Variants in PARD3 observed in about 807,000 individuals in gnomAD.
The protein encoded by PARD3 is par-3 family cell polarity regulator, also known as partitioning defective 3 homolog.
PARD3 carries 75 observed loss-of-function variants against 155.4 expected under a neutral mutation model. The observed-to-expected ratio is 0.48, with a 90% CI of 0.40 to 0.58. The LOEUF is 0.58. Ranked by LOEUF, PARD3 falls within the 20% of genes least tolerant of loss-of-function variation. PARD3 has a pLI of 0.00. For synonymous variants in PARD3, 576 were observed against 610.5 expected, an observed-to-expected ratio of 0.94 and a Z score of 0.83; for missense variants, 1,642 against 1,721.7, an observed-to-expected ratio of 0.95 and a Z score of 0.82.
At chr10:34,392,565 G>C (rs140967150) in intron 7 of PARD3, among the ~76,000 whole-genome samples, 1 of 152,088 alleles carries the variant, frequency 6.6e-6, no homozygotes, top group Non-Finnish European at 1.5e-5. Context: ...TCTTCACAGG[G>C]CCTGATTTTC....
chr10:34,516,393 C>T (rs1360129193), intron 3 of PARD3, among the ~76,000 whole-genome samples: 3 of 152,148 alleles, frequency 2.0e-5, no homozygotes, highest in African/African-American at 7.2e-5. Flanking sequence ...GAGTACCTTC[C>T]AAGAATGGCT....
At chr10:34,120,634 C>A (rs1440668806) in intron 23 of PARD3, among the ~76,000 whole-genome samples, 1 of 152,144 alleles carries the variant, frequency 6.6e-6, no homozygotes, top group Non-Finnish European at 1.5e-5. Flanking sequence ...TAGGTACCAA[C>A]AGGTCTCCTG....
intron 22 of PARD3, among the ~76,000 whole-genome samples, chr10:34,187,789 T>C (rs1950549510): frequency 6.6e-6 from 1 of 152,234 alleles, no homozygotes. Context: ...GCAATGTTAA[T>C]TATGCTCTCC....
intron 16 of PARD3, among the ~76,000 whole-genome samples, chr10:34,340,266 C>T (rs1490900959): frequency 6.6e-6 from 1 of 152,192 alleles, no homozygotes; most frequent in African/African-American, 2.4e-5. Flanking sequence ...CACAATTTCT[C>T]ATCATGGTAG....
At chr10:34,419,248 T>C (rs895312705) in intron 5 of PARD3, among the ~76,000 whole-genome samples, 1 of 152,058 alleles carries the variant, frequency 6.6e-6, no homozygotes, top group Non-Finnish European at 1.5e-5. Flanking sequence ...CCAGGTGCGG[T>C]GGCTCATGCC....
intron 5 of PARD3, among the ~76,000 whole-genome samples, chr10:34,429,759 G>C (rs947559394): frequency 5.3e-5 from 8 of 152,026 alleles, no homozygotes; most frequent in African/African-American, 1.9e-4. Context: ...CTAATTTTTT[G>C]TATTTTTAGT....
intron 21 of PARD3, among the ~76,000 whole-genome samples, chr10:34,273,505 G>A (rs935755480): frequency 6.6e-6 from 1 of 152,174 alleles, no homozygotes; most frequent in African/African-American, 2.4e-5. Flanking sequence ...AGACCTCTGT[G>A]ATGAAATAGT....
intron 2 of PARD3, among the ~76,000 whole-genome samples, chr10:34,550,649 C>G (rs1012810830): frequency 6.6e-6 from 1 of 152,112 alleles, no homozygotes; most frequent in Non-Finnish European, 1.5e-5. Context: ...AACAAATGTT[C>G]CCCTCCTCAG....
chr10:34,521,359 C>G (rs746234126), intron 2 of PARD3, among the ~76,000 whole-genome samples: 3 of 89,472 alleles, frequency 3.4e-5, no homozygotes, highest in Non-Finnish European at 6.2e-5. Context: ...CATATAGTAA[C>G]ACAGCAAAAA....
chr10:34,129,690 TGTCAAGCC>T (rs1391736819), intron 23 of PARD3, among the ~76,000 whole-genome samples: 2 of 85,900 alleles, frequency 2.3e-5, no homozygotes, highest in Admixed American at 1.1e-4. Context: ...TTTTTTGTAA[TGTCAAGCC>T]TCTTTTTTTT....
intron 20 of PARD3, 38 bp downstream of exon 20, chr10:34,317,069 G>A: frequency 6.6e-7 from 1 of 1,518,984 alleles, no homozygotes; most frequent in South Asian, 1.3e-5. Context: ...ACTCCTGTAT[G>A]TTTAAGGAGA....
chr10:34,739,478 T>C (rs181683523), intron 1 of PARD3, among the ~76,000 whole-genome samples: 3 of 152,298 alleles, frequency 2.0e-5, no homozygotes, highest in Admixed American at 1.3e-4. Context: ...CTTATATTAA[T>C]TAAAATGCTG....
intron 12 of PARD3, among the ~76,000 whole-genome samples, chr10:34,361,752 T>A (rs1178495706): frequency 1.3e-5 from 2 of 152,146 alleles, no homozygotes; most frequent in African/African-American, 4.8e-5. Flanking sequence ...TGGTAGGACA[T>A]CTTTGTGCTA....
chr10:34,221,493 T>C (rs566985494), intron 22 of PARD3, among the ~76,000 whole-genome samples: 50 of 151,386 alleles, frequency 3.3e-4, no homozygotes, highest in African/African-American at 1.2e-3. Flanking sequence ...TCAATTAGCA[T>C]ATGCATGACC....
At chr10:34,777,003 ATTTTTTTTTTTT>A (rs758917237) in intron 1 of PARD3, among the ~76,000 whole-genome samples, 33 of 122,410 alleles carry the variant, frequency 2.7e-4, no homozygotes, top group African/African-American at 1.1e-3. Context: ...TGTCTGGCTA[ATTTTTTTTTTTT>A]TTTTTTTTTG....
intron 22 of PARD3, among the ~76,000 whole-genome samples, chr10:34,254,537 CGTGTGTGTGTGTGTGT>C (rs55901749): frequency 5.8e-4 from 84 of 145,604 alleles, no homozygotes; most frequent in African/African-American, 2.0e-3. Context: ...GGTAGGTAAA[CGTGTGTGTGTGTGTGT>C]GTGTGTGTGT....
intron 22 of PARD3, among the ~76,000 whole-genome samples, chr10:34,195,481 T>C (rs1950895538): frequency 6.6e-6 from 1 of 152,162 alleles, no homozygotes. Flanking sequence ...AGTAACATGC[T>C]AGGTGCTTAT....
At chr10:34,773,414 C>T (rs911806889) in intron 1 of PARD3, among the ~76,000 whole-genome samples, 6 of 152,170 alleles carry the variant, frequency 3.9e-5, no homozygotes, top group Admixed American at 6.5e-5. Flanking sequence ...CTAATGGTTT[C>T]GGAAATTAAA....
At chr10:34,286,295 C>G (rs947610315) in intron 20 of PARD3, among the ~76,000 whole-genome samples, 1 of 152,234 alleles carries the variant, frequency 6.6e-6, no homozygotes, top group Non-Finnish European at 1.5e-5. Flanking sequence ...AGGCTATAAA[C>G]AGTAAACAGA....
Sources: gnomAD v4.1 joint callset for allele counts (sites outside exome capture counted in the v4.1 genomes callset) on GRCh38, gnomAD v4.1.1 for gene constraint, MANE v1.5 for transcripts, NCBI Gene and HGNC (gene_info 2026-07-23, HGNC 2026-07-21) for gene names.